Variants in PLCL2 observed in about 807,000 individuals in gnomAD.
PLCL2 encodes the protein phospholipase C like 2, also known as inactive phospholipase C-like protein 2.
In PLCL2, 4 loss-of-function variants were observed where a neutral mutation model predicts 79.6. The ratio of observed to expected loss-of-function variants is 0.05; its 90% CI spans 0.02 to 0.11. The LOEUF (loss-of-function observed/expected upper bound fraction) is 0.11. PLCL2 is among the 10% of genes least tolerant of loss of function. The pLI is 1.00. For synonymous variants in PLCL2, 484 were observed against 457.7 expected (o/e 1.06, Z -0.73); for missense variants, 895 against 1,291.0 (o/e 0.69, Z 4.70).
At position 16,972,460 on chromosome 3, in the gene PLCL2, A is replaced by C. The variant is rs191724288; in HGVS notation, c.328-37214A>C. ...GAGTACGTGCCATGTGCAAATAAGAAGAATGTATATTCTGTTGTTTTGGGG... is the reference window on the plus strand; with the variant it reads ...GAGTACGTGCCATGTGCAAATAAGACGAATGTATATTCTGTTGTTTTGGGG... On this transcript the variant is annotated intron_variant, in intron 1 of 5. Coordinates refer to ENST00000615277, the MANE Select transcript of PLCL2 (RefSeq NM_001144382.2). Among the ~76,000 whole-genome samples the C allele has an allele frequency of 4.2e-3, 637 of 152,294 alleles. 2 individuals are homozygous for C. Among genetic ancestry groups the C allele is most frequent in the African/African-American group, 0.015 (612 of 41,568 alleles).
chr3:16,885,153 G>C lies in PLCL2; in HGVS notation c.114G>C (p.Gly38=). The change falls in exon 1 of 6, where the codon GGG becomes GGC. Residue 38 remains glycine, a synonymous_variant. Coordinates refer to ENST00000615277, the MANE Select transcript of PLCL2 (RefSeq NM_001144382.2). ...LKAGVGEGGG[G]GGRLGHGRAR... ...CCGGAGTGGGGGAAGGCGGTGGCGG[G>C]GGAGGTCGCCTCGGCCACGGGCGGG... The C allele has an allele frequency of 3.8e-6, 2 of 520,776 alleles. No individual in the cohort carries two copies. The highest frequency in any genetic ancestry group is 2.4e-5 in the South Asian group (1 of 41,264). 32.3% of individuals were successfully genotyped at this position (520,776 alleles called of 1,614,324 possible).
At chr3:16,906,883 A>C (rs942375974) in intron 1 of PLCL2, among the ~76,000 whole-genome samples, 1 of 152,174 alleles carries the variant, frequency 6.6e-6, no homozygotes, top group Non-Finnish European at 1.5e-5. Context: ...TCTGTGCTCC[A>C]CCCAGTCTAA....
intron 3 of PLCL2, among the ~76,000 whole-genome samples, chr3:17,017,978 G>A (rs564301038): frequency 1.3e-5 from 2 of 152,128 alleles, no homozygotes; most frequent in Non-Finnish European, 2.9e-5. Context: ...TGGTGCTCTC[G>A]TGGCTCCTGT....
intron 3 of PLCL2, among the ~76,000 whole-genome samples, chr3:17,026,674 C>G (rs780882461): frequency 1.3e-5 from 2 of 152,068 alleles, no homozygotes; most frequent in South Asian, 2.1e-4. Context: ...TTGAGACCAG[C>G]CTGGCCGACA....
chr3:17,063,827 A>C (rs963163080), intron 4 of PLCL2, among the ~76,000 whole-genome samples: 5 of 152,294 alleles, frequency 3.3e-5, no homozygotes, highest in Middle Eastern at 6.8e-3. Context: ...CCATAGTGGG[A>C]GTCTCACATC....
intron 1 of PLCL2, among the ~76,000 whole-genome samples, chr3:17,001,227 A>G (rs1250249481): frequency 6.6e-6 from 1 of 152,002 alleles, no homozygotes; most frequent in African/African-American, 2.4e-5. Context: ...ATGTCTATTT[A>G]GATAATTTGC....
intron 3 of PLCL2, among the ~76,000 whole-genome samples, chr3:17,031,970 A>T (rs2064588258): frequency 7.0e-6 from 1 of 143,760 alleles, no homozygotes. Flanking sequence ...TGAATATCAA[A>T]TTGTTCAGGA....
chr3:16,924,131 T>C (rs1697189934), intron 1 of PLCL2, among the ~76,000 whole-genome samples: 1 of 152,210 alleles, frequency 6.6e-6, no homozygotes, highest in African/African-American at 2.4e-5. Context: ...CAGTTTTTAC[T>C]AGTTGCCTTT....
At chr3:17,045,141 A>G (rs2064767548) in intron 4 of PLCL2, among the ~76,000 whole-genome samples, 1 of 152,178 alleles carries the variant, frequency 6.6e-6, no homozygotes, top group Admixed American at 6.6e-5. Flanking sequence ...AGAATTGCTA[A>G]TTTGTTTTGG....
At chr3:17,022,923 A>T (rs1343139855) in intron 3 of PLCL2, among the ~76,000 whole-genome samples, 1 of 152,160 alleles carries the variant, frequency 6.6e-6, no homozygotes, top group Non-Finnish European at 1.5e-5. Context: ...TTCGTTTTGG[A>T]CTGTAAATGC....
intron 1 of PLCL2, among the ~76,000 whole-genome samples, chr3:16,919,646 G>A (rs1351190051): frequency 1.3e-5 from 2 of 151,754 alleles, no homozygotes; most frequent in African/African-American, 4.8e-5. Flanking sequence ...TTAATATTTA[G>A]CCTTCCACTA....
intron 1 of PLCL2, among the ~76,000 whole-genome samples, chr3:16,927,677 T>G (rs1042221262): frequency 3.3e-5 from 5 of 151,854 alleles, no homozygotes; most frequent in African/African-American, 1.2e-4. Flanking sequence ...ATGTAGGCTC[T>G]ACCCACTAGA....
At chr3:16,961,177 G>T (rs1025049821) in intron 1 of PLCL2, among the ~76,000 whole-genome samples, 1 of 152,202 alleles carries the variant, frequency 6.6e-6, no homozygotes, top group African/African-American at 2.4e-5. Flanking sequence ...CGATTTCATT[G>T]TATACTCGTG....
intron 1 of PLCL2, among the ~76,000 whole-genome samples, chr3:16,889,002 T>G (rs1340889309): frequency 6.6e-6 from 1 of 152,188 alleles, no homozygotes; most frequent in African/African-American, 2.4e-5. Flanking sequence ...AACTCCCAGG[T>G]CTCTGTGATC....
intron 3 of PLCL2, among the ~76,000 whole-genome samples, chr3:17,028,071 C>T (rs893646148): frequency 1.3e-5 from 2 of 152,096 alleles, no homozygotes; most frequent in African/African-American, 4.8e-5. Context: ...ATGAGCCAGT[C>T]CAAGAATTGA....
At chr3:16,905,095 G>C (rs1305332692) in intron 1 of PLCL2, among the ~76,000 whole-genome samples, 1 of 152,138 alleles carries the variant, frequency 6.6e-6, no homozygotes, top group Non-Finnish European at 1.5e-5. Context: ...GAATGCTTTT[G>C]AGGATTATTT....
chr3:16,906,763 G>A (rs1364737020), intron 1 of PLCL2, among the ~76,000 whole-genome samples: 1 of 152,134 alleles, frequency 6.6e-6, no homozygotes. Context: ...AGTTTTCTAT[G>A]AATTCTTTGA....
At chr3:16,953,476 C>T (rs1461802441) in intron 1 of PLCL2, among the ~76,000 whole-genome samples, 1 of 152,060 alleles carries the variant, frequency 6.6e-6, no homozygotes, top group Non-Finnish European at 1.5e-5. Flanking sequence ...GTGTAATAAG[C>T]ATGTAAAATA....
intron 1 of PLCL2, among the ~76,000 whole-genome samples, chr3:16,961,750 T>C (rs1246855670): frequency 1.3e-5 from 2 of 152,042 alleles, no homozygotes; most frequent in African/African-American, 4.8e-5. Context: ...GCTCATTGAA[T>C]GAGAATGAGA....
Sources: allele counts gnomAD v4.1 joint callset (sites outside exome capture counted in the v4.1 genomes callset), GRCh38; gene constraint gnomAD v4.1.1; transcripts MANE v1.5; gene names NCBI Gene and HGNC (gene_info 2026-07-23, HGNC 2026-07-21).